Variants in SNTG2 observed in about 807,000 individuals in gnomAD.
SNTG2 encodes the protein syntrophin gamma 2, also known as gamma-2-syntrophin.
SNTG2 carries 74 observed loss-of-function variants against 70.9 expected under a neutral mutation model. That is an observed-to-expected ratio of 1.04 (90% CI 0.86 to 1.27). The LOEUF (loss-of-function observed/expected upper bound fraction) is 1.27. Among genes scored for constraint, SNTG2 ranks in the 50% most tolerant of loss-of-function variants. The pLI, the probability that SNTG2 is intolerant of heterozygous loss-of-function variation, is 0.00. For missense variants in SNTG2, 717 were observed against 690.7 expected (o/e 1.04, Z -0.43); for synonymous variants, 278 against 273.8 (o/e 1.02, Z -0.15).
chr2:1,020,145 T>C lies in SNTG2; in HGVS notation c.73-63373T>C, dbSNP rs187023098. On this transcript the variant is annotated intron_variant, in intron 1 of 16. Transcript: ENST00000308624. ...CTCTTCTGATATTAACAATGGTGCATTTCAAGTACACAAGCTGATGATGAA... is the reference window on the plus strand; with the variant it reads ...CTCTTCTGATATTAACAATGGTGCACTTCAAGTACACAAGCTGATGATGAA... 1.4e-4 allele frequency among the ~76,000 whole-genome samples: 21 copies of C among 152,370 alleles called. No homozygotes were observed. The East Asian group carries it at 4.1e-3, about 29-fold the overall frequency.
At chr2:1,029,752 T>G (rs1472306054) in intron 1 of SNTG2, among the ~76,000 whole-genome samples, 1 of 152,214 alleles carries the variant, frequency 6.6e-6, no homozygotes, top group African/African-American at 2.4e-5. Flanking sequence ...AAGTCAGCCC[T>G]GACTCTTCTT....
chr2:1,056,174 C>T (rs1662381158), intron 1 of SNTG2, among the ~76,000 whole-genome samples: 1 of 147,836 alleles, frequency 6.8e-6, no homozygotes, highest in South Asian at 2.2e-4. Context: ...CAGCTTCATT[C>T]TGAAGGAAGG....
rs572135937 is a variant in SNTG2 at position 1,308,023 on chromosome 2, C to T, written c.1285-471C>T. Among the ~76,000 whole-genome samples the T allele has an allele frequency of 2.5e-3, 384 of 152,286 alleles. 1 individual carries two copies. Among genetic ancestry groups the T allele is most frequent in the African/African-American group, 8.5e-3 (352 of 41,562 alleles). ...GCAGTACTGCGCTGCTGCTTGGTGG[C>T]GGTGTAAATTGTACTGCTCTTCAGA... On this transcript the variant is annotated intron_variant, in intron 14 of 16. Transcript: ENST00000308624.
At chr2:1,080,907 C>G (rs1171770716) in intron 1 of SNTG2, among the ~76,000 whole-genome samples, 1 of 152,088 alleles carries the variant, frequency 6.6e-6, no homozygotes, top group Non-Finnish European at 1.5e-5. Context: ...TACTTCTGAG[C>G]TCCATTCTGC....
chr2:1,081,852 T>C (rs770502680), intron 1 of SNTG2, among the ~76,000 whole-genome samples: 2 of 152,250 alleles, frequency 1.3e-5, no homozygotes, highest in Non-Finnish European at 2.9e-5. Flanking sequence ...GTTTTACTTA[T>C]GCTGGGTGAG....
In SNTG2 at chr2:1,262,739, G is replaced by GAAGGCTCCGTGCAGACGAGGCAACCC. The variant is rs1558611045; in HGVS notation, c.1077+3298_1077+3299insAAGGCTCCGTGCAGACGAGGCAACCC. The GAAGGCTCCGTGCAGACGAGGCAACCC allele has an allele frequency of 2.2e-4, 22 of 101,986 alleles. 1 individual carries two copies. Among genetic ancestry groups the GAAGGCTCCGTGCAGACGAGGCAACCC allele is most frequent in the Middle Eastern group, 5.0e-3 (1 of 202 alleles). The allele number at this position is 101,986 out of a possible 1,614,324, so 6.3% of individuals were successfully genotyped here. A position where few individuals can be genotyped will look rare whatever the true frequency, so the allele number is the denominator to read the frequency against. On this transcript the variant is annotated intron_variant, in intron 13 of 16. Transcript: ENST00000308624. ...AAGGCTCCGTCCAGACGAGGCAACC[G>GAAGGCTCCGTGCAGACGAGGCAACCC]GAAGGCTCCGTGCAGACGAGGCAAC...
intron 1 of SNTG2, among the ~76,000 whole-genome samples, chr2:1,083,240 C>A (rs1664455055): frequency 1.0e-5 from 1 of 100,344 alleles, no homozygotes; most frequent in African/African-American, 3.4e-5. Context: ...TACTATAAAA[C>A]TTCACAAGTT....
chr2:1,173,676 T>G (rs933233482), intron 8 of SNTG2, among the ~76,000 whole-genome samples: 1 of 152,216 alleles, frequency 6.6e-6, no homozygotes, highest in Non-Finnish European at 1.5e-5. Context: ...CCCGCCCTCC[T>G]CCCTCAGAAG....
chr2:1,349,903 T>C (rs1223981484), intron 16 of SNTG2, among the ~76,000 whole-genome samples: 2 of 152,228 alleles, frequency 1.3e-5, no homozygotes, highest in African/African-American at 4.8e-5. Flanking sequence ...TTAAGTCATC[T>C]AAGACTCACA....
At chr2:1,084,598 C>T (rs553865408) in intron 2 of SNTG2, among the ~76,000 whole-genome samples, 113 of 152,326 alleles carry the variant, frequency 7.4e-4, no homozygotes, top group African/African-American at 2.6e-3. Flanking sequence ...GTGCCCTCTT[C>T]GTTCTGGCTC....
At chr2:1,169,342 CTT>C (rs1264431478) in intron 7 of SNTG2, among the ~76,000 whole-genome samples, 2 of 152,144 alleles carry the variant, frequency 1.3e-5, no homozygotes, top group Admixed American at 1.3e-4. Flanking sequence ...CCGTTCCTGA[CTT>C]CTCTCTCAGG....
chr2:1,101,481 C>T (rs960474200), intron 4 of SNTG2, among the ~76,000 whole-genome samples: 1 of 152,212 alleles, frequency 6.6e-6, no homozygotes, highest in African/African-American at 2.4e-5. Context: ...AGCTTGGTCT[C>T]ATTTATTTTA....
chr2:965,304 T>C (rs965613333), intron 1 of SNTG2, among the ~76,000 whole-genome samples: 34 of 119,036 alleles, frequency 2.9e-4, no homozygotes, highest in African/African-American at 7.9e-4. Context: ...CTCCTCCTGG[T>C]CCCCAGTCCT....
At chr2:1,037,956 C>T (rs566036832) in intron 1 of SNTG2, among the ~76,000 whole-genome samples, 22 of 152,218 alleles carry the variant, frequency 1.4e-4, no homozygotes, top group African/African-American at 5.3e-4. Flanking sequence ...TGGGTATGTA[C>T]TTGGGTGGGC....
intron 1 of SNTG2, among the ~76,000 whole-genome samples, chr2:1,019,952 A>C (rs1332522728): frequency 1.3e-5 from 2 of 152,128 alleles, no homozygotes; most frequent in Non-Finnish European, 2.9e-5. Flanking sequence ...CTGAGGTAGG[A>C]GAATTGCTTG....
chr2:1,350,450 C>T (rs1402381921), intron 16 of SNTG2, among the ~76,000 whole-genome samples: 2 of 152,204 alleles, frequency 1.3e-5, no homozygotes, highest in African/African-American at 2.4e-5. Context: ...TACCAGATTG[C>T]CCATTTATTT....
chr2:1,017,376 C>T (rs551589973), intron 1 of SNTG2, among the ~76,000 whole-genome samples: 14 of 152,312 alleles, frequency 9.2e-5, no homozygotes, highest in East Asian at 3.9e-4. Context: ...TGCAGACACA[C>T]GTATACACAC....
At chr2:1,117,591 G>T (rs1391431236) in intron 4 of SNTG2, among the ~76,000 whole-genome samples, 2 of 152,128 alleles carry the variant, frequency 1.3e-5, no homozygotes, top group Non-Finnish European at 2.9e-5. Context: ...AGGTAGCTCA[G>T]TTCCCCAGGA....
At chr2:1,292,595 A>C (rs1680037716) in intron 14 of SNTG2, among the ~76,000 whole-genome samples, 1 of 152,182 alleles carries the variant, frequency 6.6e-6, no homozygotes, top group Non-Finnish European at 1.5e-5. Flanking sequence ...GCATCTATTA[A>C]GATGATACAG....
Sources: gnomAD v4.1 joint callset for allele counts (sites outside exome capture counted in the v4.1 genomes callset) on GRCh38, gnomAD v4.1.1 for gene constraint, MANE v1.5 for transcripts, NCBI Gene and HGNC (gene_info 2026-07-23, HGNC 2026-07-21) for gene names.